The following GSTCD variants were observed in gnomAD, a reference collection of about 807,000 sequenced individuals.
GSTCD encodes glutathione S-transferase C-terminal domain-containing protein.
A neutral mutation model predicts 68.3 loss-of-function variants in GSTCD; 44 were observed. The observed-to-expected ratio is 0.64, with a 90% CI of 0.51 to 0.83. The LOEUF (loss-of-function observed/expected upper bound fraction) is 0.83, where lower values mean the gene tolerates loss of function less well. GSTCD is among the 40% of genes least tolerant of loss of function. GSTCD has a pLI of 0.00. For synonymous variants in GSTCD, 273 were observed against 255.2 expected, an observed-to-expected ratio of 1.07 and a Z score of -0.67; for missense variants, 739 against 735.9, an observed-to-expected ratio of 1.00 and a Z score of -0.05.
intron 10 of GSTCD, among the ~76,000 whole-genome samples, chr4:105,839,196 C>T (rs982846796): frequency 2.0e-5 from 3 of 152,186 alleles, no homozygotes; most frequent in African/African-American, 4.8e-5. Context: ...CATTGCTGGC[C>T]TTCACCTACT....
chr4:105,744,887 T>TAGGAAA (rs1415720111), intron 5 of GSTCD, among the ~76,000 whole-genome samples: 5 of 34,448 alleles, frequency 1.5e-4, no homozygotes, highest in African/African-American at 1.8e-4. Context: ...TATAGATCTA[T>TAGGAAA]TAGGAAATAG....
chr4:105,801,440 C>T (rs1736101492), intron 5 of GSTCD, among the ~76,000 whole-genome samples: 1 of 151,910 alleles, frequency 6.6e-6, no homozygotes, highest in South Asian at 2.1e-4. Flanking sequence ...TGAGTGCAAA[C>T]GTTGTTAAAT....
rs1057493664 is a variant in GSTCD, at chr4:105,845,843, G to A, written c.*266G>A. 1 of 385,228 alleles carries A rather than the reference G, an allele frequency of 2.6e-6. No homozygotes were observed. Among genetic ancestry groups the A allele is most frequent in the African/African-American group, 2.0e-5 (1 of 50,224 alleles). 23.9% of individuals were successfully genotyped at this position (385,228 alleles called of 1,614,324 possible). The stretch of plus-strand genomic sequence containing the variant: ...CTGCCAAAAGAATAATACTAGTGGA[G>A]GTTCCATCACAGGAATAACAATTTC... On this transcript the variant is annotated 3_prime_UTR_variant, in exon 12 of 12. Coordinates refer to ENST00000515279, the MANE Select transcript of GSTCD (RefSeq NM_001370181.1).
chr4:105,721,003 C>T (rs956842641), intron 3 of GSTCD, among the ~76,000 whole-genome samples: 5 of 149,574 alleles, frequency 3.3e-5, no homozygotes, highest in Admixed American at 6.7e-5. Flanking sequence ...GATGGAGTCT[C>T]GCTCTGTCAC....
At chr4:105,816,318 G>A (rs972555848) in intron 5 of GSTCD, among the ~76,000 whole-genome samples, 4 of 151,972 alleles carry the variant, frequency 2.6e-5, no homozygotes, top group South Asian at 2.1e-4. Flanking sequence ...TGGATAATCC[G>A]ATTTTGCAAC....
chr4:105,749,371 G>A (rs1197217328), intron 5 of GSTCD, among the ~76,000 whole-genome samples: 4 of 151,826 alleles, frequency 2.6e-5, no homozygotes, highest in Non-Finnish European at 5.9e-5. Flanking sequence ...CTGTAGACAA[G>A]CTTATTCTAA....
intron 8 of GSTCD, among the ~76,000 whole-genome samples, chr4:105,828,016 A>G (rs1723722529): frequency 6.6e-6 from 1 of 152,162 alleles, no homozygotes; most frequent in African/African-American, 2.4e-5. Context: ...TTTTGCATTA[A>G]AAACAAAAAC....
chr4:105,794,179 C>T (rs1455991029), intron 5 of GSTCD, among the ~76,000 whole-genome samples: 1 of 151,908 alleles, frequency 6.6e-6, no homozygotes, highest in Non-Finnish European at 1.5e-5. Context: ...AGTAAAAGCA[C>T]ATCTTAACTG....
At chr4:105,844,051 C>T (rs1724459585) in intron 11 of GSTCD, among the ~76,000 whole-genome samples, 1 of 152,066 alleles carries the variant, frequency 6.6e-6, no homozygotes, top group Non-Finnish European at 1.5e-5. Flanking sequence ...GTTGTAGAGA[C>T]ACTTCAACAT....
chr4:105,835,935 T>G (rs1201830150), intron 9 of GSTCD, among the ~76,000 whole-genome samples: 2 of 152,224 alleles, frequency 1.3e-5, no homozygotes, highest in East Asian at 3.9e-4. Context: ...AGAGGGTAGC[T>G]TCTCTCCATA....
intron 5 of GSTCD, among the ~76,000 whole-genome samples, chr4:105,731,152 A>G (rs1448079564): frequency 2.0e-5 from 3 of 152,166 alleles, no homozygotes; most frequent in Admixed American, 6.5e-5. Flanking sequence ...TATAGTTTGA[A>G]GTCAGGTAGT....
chr4:105,723,130 G>A (rs780636715), intron 3 of GSTCD, among the ~76,000 whole-genome samples: 8 of 151,878 alleles, frequency 5.3e-5, no homozygotes, highest in Non-Finnish European at 1.0e-4. Flanking sequence ...TCACTAGAAC[G>A]AAGAGTACAG....
intron 5 of GSTCD, among the ~76,000 whole-genome samples, chr4:105,752,856 A>T (rs1734053432): frequency 6.6e-6 from 1 of 152,114 alleles, no homozygotes; most frequent in Non-Finnish European, 1.5e-5. Flanking sequence ...ATTTATGTGA[A>T]TAATGAAATA....
At position 105,837,843 on chromosome 4, in the gene GSTCD, T is replaced by G. The variant is rs993148433; in HGVS notation, c.1665-16T>G. On this transcript the variant is annotated splice_polypyrimidine_tract_variant and intron_variant, in intron 9 of 11. Transcript: ENST00000515279. ...ATATTTAGAATGATGACTAATTCCT[T>G]TTTTTTCTATTTCAGTGAACAATTC... 4.8e-6 allele frequency: 5 copies of G among 1,033,096 alleles called. No individual in the cohort carries two copies. The highest frequency in any genetic ancestry group is 1.6e-5 in the African/African-American group (1 of 61,176). The allele number at this position is 1,033,096 out of a possible 1,614,324, so 64.0% of individuals were successfully genotyped here.
chr4:105,719,197 A>C lies in GSTCD; in HGVS notation c.564A>C (p.Arg188Ser). 1.9e-6 allele frequency: 3 copies of C among 1,614,110 alleles called. No individual in the cohort carries two copies. The highest frequency in any genetic ancestry group is 2.5e-6 in the Non-Finnish European group (3 of 1,180,006). The stretch of plus-strand genomic sequence containing the variant: ...AGAAAAAGCTTAGTGAGCCTGTTAG[A>C]GTGCATAATGATGATAAACTCCGCA... ...QLEKKLSEPV[R>S]VHNDDKLRRQ... The change falls in exon 3 of 12, where the codon AGA (arginine) becomes AGC (serine). Residue 188 changes from arginine to serine, a missense_variant. Physicochemically the swap from Arg to Ser is moderately radical, Grantham distance 110 (BLOSUM62 -1). Coordinates refer to ENST00000515279, the MANE Select transcript of GSTCD (RefSeq NM_001370181.1).
chr4:105,816,352 T>A (rs17036260), intron 5 of GSTCD, among the ~76,000 whole-genome samples: 4,398 of 152,226 alleles, frequency 0.029, 187 homozygotes, highest in African/African-American at 0.092. Context: ...AACCTCTCCA[T>A]GTCACTTTTC....
At position 105,730,393 on chromosome 4, in the gene GSTCD, A is replaced by C. The variant is rs535587147; in HGVS notation, c.1240+894A>C. Among the ~76,000 whole-genome samples the C allele has an allele frequency of 1.1e-4, 17 of 152,224 alleles. No homozygotes were observed. The South Asian group carries it at 2.7e-3, about 24-fold the overall frequency. ...AAGTGTTCCTATTTCTCCACATTGTATCCAGCACCTGTTGTTTCTTGACTT... is the reference window on the plus strand; with the variant it reads ...AAGTGTTCCTATTTCTCCACATTGTCTCCAGCACCTGTTGTTTCTTGACTT... On this transcript the variant is annotated intron_variant, in intron 5 of 11. Transcript: ENST00000515279.
In GSTCD at chr4:105,846,945, C is replaced by T. The variant is rs1724573596; in HGVS notation, c.*1368C>T. 1 of 152,140 alleles carries T rather than the reference C, an allele frequency of 6.6e-6. No individual in the cohort carries two copies. The highest frequency in any genetic ancestry group is 2.4e-5 in the African/African-American group (1 of 41,414). 9.4% of individuals were successfully genotyped at this position (152,140 alleles called of 1,614,324 possible). On this transcript the variant is annotated 3_prime_UTR_variant, in exon 12 of 12. Coordinates refer to ENST00000515279, the MANE Select transcript of GSTCD (RefSeq NM_001370181.1). The stretch of plus-strand genomic sequence containing the variant: ...AAGTGCTGAAATTACAGGCGTGAGC[C>T]ACCTCACCTGGCCATGTTCTTTATG...
At chr4:105,742,086 CT>C (rs1290592234) in intron 5 of GSTCD, among the ~76,000 whole-genome samples, 1 of 152,090 alleles carries the variant, frequency 6.6e-6, no homozygotes, top group African/African-American at 2.4e-5. Context: ...ACGACTGACT[CT>C]TTATGCTGAA....
Sources: allele counts gnomAD v4.1 joint callset (sites outside exome capture counted in the v4.1 genomes callset), GRCh38; gene constraint gnomAD v4.1.1; transcripts MANE v1.5; gene names NCBI Gene and HGNC (gene_info 2026-07-23, HGNC 2026-07-21).